Variants in CNTN4 observed in about 807,000 individuals in gnomAD.
The protein encoded by CNTN4 is contactin 4, also known as contactin-4.
CNTN4 carries 77 observed loss-of-function variants against 122.5 expected under a neutral mutation model. The ratio of observed to expected loss-of-function variants is 0.63; its 90% CI spans 0.52 to 0.76. The LOEUF (loss-of-function observed/expected upper bound fraction) is 0.76, where lower values mean the gene tolerates loss of function less well. CNTN4 is among the 30% of genes least tolerant of loss of function. CNTN4 has a pLI of 0.00. For synonymous variants in CNTN4, 512 were observed against 447.0 expected (o/e 1.15, Z -1.83); for missense variants, 1,256 against 1,259.1 (o/e 1.00, Z 0.04).
intron 4 of CNTN4, among the ~76,000 whole-genome samples, chr3:2,667,577 C>A (rs1444019069): frequency 2.0e-5 from 3 of 151,834 alleles, no homozygotes; most frequent in Non-Finnish European, 2.9e-5. Flanking sequence ...TTTTGCTGTG[C>A]AGAAGCTCTT....
Position 2,543,699 on chromosome 3 carries a change from A to G in CNTN4, c.-88-27717A>G, listed in dbSNP as rs543924324. 2.6e-5 allele frequency among the ~76,000 whole-genome samples: 4 copies of G among 151,238 alleles called. No individual in the cohort carries two copies. The South Asian group carries it at 8.3e-4, about 31-fold the overall frequency. ...AGACGTTGCAGAGAGTTCATGGGACAGACAAAGAAAACCCTTTGCTGTGTT... is the reference window on the plus strand; with the variant it reads ...AGACGTTGCAGAGAGTTCATGGGACGGACAAAGAAAACCCTTTGCTGTGTT... On this transcript the variant is annotated intron_variant, in intron 3 of 24. Transcript: ENST00000418658.
At chr3:2,699,228 T>C (rs988672047) in intron 4 of CNTN4, among the ~76,000 whole-genome samples, 1 of 152,182 alleles carries the variant, frequency 6.6e-6, no homozygotes, top group Non-Finnish European at 1.5e-5. Context: ...GGGAGGGCTT[T>C]GGAGTGGAAA....
At chr3:2,545,460 G>A (rs1200458926) in intron 3 of CNTN4, among the ~76,000 whole-genome samples, 1 of 152,012 alleles carries the variant, frequency 6.6e-6, no homozygotes, top group Non-Finnish European at 1.5e-5. Context: ...TCAGTCGGGT[G>A]TTGAAGTCTC....
chr3:2,947,945 T>G (rs752604656), intron 13 of CNTN4, among the ~76,000 whole-genome samples: 3 of 152,228 alleles, frequency 2.0e-5, no homozygotes, highest in Non-Finnish European at 4.4e-5. Flanking sequence ...GCTGTCTCTA[T>G]TAAATGAATA....
At chr3:2,620,110 A>G (rs980657129) in intron 4 of CNTN4, among the ~76,000 whole-genome samples, 1 of 152,218 alleles carries the variant, frequency 6.6e-6, no homozygotes, top group African/African-American at 2.4e-5. Context: ...CAATGTTTAA[A>G]AGCAGGACAA....
chr3:2,796,267 T>C (rs1371559390), intron 6 of CNTN4, among the ~76,000 whole-genome samples: 1 of 152,072 alleles, frequency 6.6e-6, no homozygotes, highest in African/African-American at 2.4e-5. Flanking sequence ...TAAAATGGAA[T>C]TAGTGGGAGA....
chr3:2,218,938 A>G (rs2038957026), intron 2 of CNTN4, among the ~76,000 whole-genome samples: 1 of 152,144 alleles, frequency 6.6e-6, no homozygotes, highest in Admixed American at 6.5e-5. Context: ...GGCATGTGAG[A>G]TGTGAGGAGC....
At chr3:2,818,245 C>A (rs74373578) in intron 6 of CNTN4, among the ~76,000 whole-genome samples, 1 of 152,150 alleles carries the variant, frequency 6.6e-6, no homozygotes, top group Non-Finnish European at 1.5e-5. Flanking sequence ...TAAAATGTCC[C>A]TAATTCCAGA....
At chr3:2,338,680 A>G (rs1026857434) in intron 2 of CNTN4, among the ~76,000 whole-genome samples, 2 of 152,126 alleles carry the variant, frequency 1.3e-5, no homozygotes, top group South Asian at 2.1e-4. Flanking sequence ...TTATTTCACA[A>G]TTAAAGTTTA....
intron 2 of CNTN4, among the ~76,000 whole-genome samples, chr3:2,106,718 A>G (rs116701447): frequency 0.024 from 3,583 of 152,180 alleles, 69 homozygotes; most frequent in Non-Finnish European, 0.033. Context: ...CGTTTTCCCC[A>G]TTGTCCTGGC....
intron 2 of CNTN4, among the ~76,000 whole-genome samples, chr3:2,321,324 T>C (rs11712515): frequency 0.12 from 18,901 of 152,186 alleles, 1,426 homozygotes; most frequent in Non-Finnish European, 0.17. Flanking sequence ...ATTAGCCATG[T>C]ACCCCCATGA....
intron 7 of CNTN4, among the ~76,000 whole-genome samples, chr3:2,853,331 G>A (rs1394339575): frequency 6.6e-6 from 1 of 151,982 alleles, no homozygotes; most frequent in Non-Finnish European, 1.5e-5. Flanking sequence ...TGCAAGCTCC[G>A]CCTCCCGGGT....
chr3:2,977,711 G>A (rs1693559410), intron 13 of CNTN4, among the ~76,000 whole-genome samples: 1 of 152,086 alleles, frequency 6.6e-6, no homozygotes, highest in South Asian at 2.1e-4. Context: ...GCCCTGGGGG[G>A]TTTCCTCTCT....
chr3:2,305,907 C>T (rs909881838), intron 2 of CNTN4, among the ~76,000 whole-genome samples: 1 of 152,138 alleles, frequency 6.6e-6, no homozygotes, highest in South Asian at 2.1e-4. Flanking sequence ...TTGTGTCTGA[C>T]TTCTTTCAGT....
chr3:2,513,967 A>C (rs1041555257), intron 3 of CNTN4, among the ~76,000 whole-genome samples: 1 of 152,152 alleles, frequency 6.6e-6, no homozygotes, highest in Non-Finnish European at 1.5e-5. Flanking sequence ...AAGATAGTGC[A>C]TCTCTGTACG....
chr3:2,936,990 A>T (rs1255926547), intron 13 of CNTN4, among the ~76,000 whole-genome samples: 1 of 152,174 alleles, frequency 6.6e-6, no homozygotes, highest in African/African-American at 2.4e-5. Flanking sequence ...CCAGATCAAA[A>T]AGCCTGAAAT....
chr3:2,334,115 A>G (rs2150316485), intron 2 of CNTN4, among the ~76,000 whole-genome samples: 1 of 152,338 alleles, frequency 6.6e-6, no homozygotes, highest in East Asian at 1.9e-4. Flanking sequence ...AACAAGTATC[A>G]TTAATTGAAT....
chr3:2,367,797 A>T (rs1033588325), intron 3 of CNTN4, among the ~76,000 whole-genome samples: 23 of 151,808 alleles, frequency 1.5e-4, no homozygotes, highest in African/African-American at 5.3e-4. Context: ...TTTTTAACAC[A>T]GGGAGAGAAT....
chr3:2,845,176 C>T (rs948273187), intron 7 of CNTN4, among the ~76,000 whole-genome samples: 6 of 152,050 alleles, frequency 3.9e-5, no homozygotes, highest in African/African-American at 9.7e-5. Flanking sequence ...GACAATTATA[C>T]AAGTTTATTT....
Sources: gnomAD v4.1 joint callset for allele counts (sites outside exome capture counted in the v4.1 genomes callset) on GRCh38, gnomAD v4.1.1 for gene constraint, MANE v1.5 for transcripts, NCBI Gene and HGNC (gene_info 2026-07-23, HGNC 2026-07-21) for gene names.